AQP4: variants seen among roughly 807,000 people sequenced by gnomAD.
AQP4 encodes the protein aquaporin-4.
A neutral mutation model predicts 27.8 loss-of-function variants in AQP4; 18 were observed. The ratio of observed to expected loss-of-function variants is 0.65; its 90% CI spans 0.45 to 0.96. AQP4 has a LOEUF of 0.96. Ranked by LOEUF, AQP4 falls within the 40% of genes least tolerant of loss-of-function variation. AQP4 has a pLI of 0.00. For synonymous variants in AQP4, 141 were observed against 142.9 expected, an observed-to-expected ratio of 0.99 and a Z score of 0.10; for missense variants, 412 against 408.2, an observed-to-expected ratio of 1.01 and a Z score of -0.08.
intron 1 of AQP4, 36 bp downstream of exon 1, chr18:26,865,622 C>T (rs2055046274): frequency 1.2e-6 from 2 of 1,613,724 alleles, no homozygotes; most frequent in Non-Finnish European, 1.7e-6. Context: ...TCTTTTGGCC[C>T]TAAGCGTTGT....
At chr18:26,863,395 TC>T (rs1251970445) in intron 1 of AQP4, among the ~76,000 whole-genome samples, 2 of 152,030 alleles carry the variant, frequency 1.3e-5, no homozygotes, top group Non-Finnish European at 2.9e-5. Context: ...CAGCGGCCAT[TC>T]CCGGCCCGTG....
At chr18:26,865,137 A>G (rs989308092) in intron 1 of AQP4, 2 of 166,054 alleles carry the variant, frequency 1.2e-5, no homozygotes, top group Non-Finnish European at 2.6e-5. Context: ...GGCAGCATAT[A>G]CATATCTCTG....
rs1172402911 is a variant in AQP4 at position 26,855,709 on chromosome 18, G to A, written c.*502C>T. 1 of 162,560 alleles carries A rather than the reference G, an allele frequency of 6.2e-6. No individual in the cohort carries two copies. The highest frequency in any genetic ancestry group is 1.4e-5 in the Non-Finnish European group (1 of 73,474). 10.1% of individuals were successfully genotyped at this position (162,560 alleles called of 1,614,324 possible). ...TTGCTAATGCTCTTTTGCCAAGGTAGTCTATGCATAAGGGATTGCTCATAA... is the reference window on the plus strand; with the variant it reads ...TTGCTAATGCTCTTTTGCCAAGGTAATCTATGCATAAGGGATTGCTCATAA... On this transcript the variant is annotated 3_prime_UTR_variant, in exon 5 of 5. Coordinates refer to ENST00000383168, the MANE Select transcript of AQP4 (RefSeq NM_001650.7).
chr18:26,856,705 G>C (rs1170647840), intron 4 of AQP4, among the ~76,000 whole-genome samples: 2 of 152,034 alleles, frequency 1.3e-5, no homozygotes, highest in Non-Finnish European at 2.9e-5. Flanking sequence ...AAAAAGAACT[G>C]TTTCATCTCC....
chr18:26,860,236 C>T (rs967604829), intron 4 of AQP4, among the ~76,000 whole-genome samples: 7 of 152,088 alleles, frequency 4.6e-5, no homozygotes, highest in Admixed American at 1.3e-4. Context: ...ACTATTTATT[C>T]GACACCATCT....
rs1412389668 is a variant in AQP4, at chr18:26,856,101, C to T, written c.*110G>A. On this transcript the variant is annotated 3_prime_UTR_variant, in exon 5 of 5. Transcript: ENST00000383168. Reference sequence around the variant, plus strand: ...TTAGACTGAGTAATATGACATGAAACAACAAACCTGCACATTTCTAATTTA... The same window carrying T: ...TTAGACTGAGTAATATGACATGAAATAACAAACCTGCACATTTCTAATTTA... The T allele has an allele frequency of 7.2e-7, 1 of 1,389,956 alleles. No individual in the cohort carries two copies. The highest frequency in any genetic ancestry group is 1.0e-6 in the Non-Finnish European group (1 of 983,396). The allele number at this position is 1,389,956 out of a possible 1,614,324, so 86.1% of individuals were successfully genotyped here.
chr18:26,856,085 G>GT lies in AQP4; in HGVS notation c.*125dup. On this transcript the variant is annotated 3_prime_UTR_variant, in exon 5 of 5. Coordinates refer to ENST00000383168, the MANE Select transcript of AQP4 (RefSeq NM_001650.7). The stretch of plus-strand genomic sequence containing the variant: ...ATGAAATATTTATTGTTTAGACTGA[G>GT]TAATATGACATGAAACAACAAACCT... The GT allele has an allele frequency of 8.6e-7, 1 of 1,159,752 alleles. No individual in the cohort carries two copies. The highest frequency in any genetic ancestry group is 1.3e-6 in the Non-Finnish European group (1 of 777,494). 71.8% of individuals were successfully genotyped at this position (1,159,752 alleles called of 1,614,324 possible). A position where few individuals can be genotyped will look rare whatever the true frequency, so the allele number is the denominator to read the frequency against.
At chr18:26,865,731 A>AG (rs1568072401), upstream of AQP4, 1 of 1,613,510 alleles carries the variant, frequency 6.2e-7, no homozygotes, top group Non-Finnish European at 8.5e-7. Flanking sequence ...CCTGCCCCGC[A>AG]GCTCCCTGTG....
chr18:26,859,125 A>AT (rs1224705602), intron 4 of AQP4, among the ~76,000 whole-genome samples: 1 of 152,238 alleles, frequency 6.6e-6, no homozygotes, highest in African/African-American at 2.4e-5. Context: ...AGTAAAATAT[A>AT]TTTTTTCATC....
Position 26,856,108 on chromosome 18 carries a change from C to G in AQP4, c.*103G>C. On this transcript the variant is annotated 3_prime_UTR_variant, in exon 5 of 5. Transcript: ENST00000383168. The stretch of plus-strand genomic sequence containing the variant: ...GAGTAATATGACATGAAACAACAAA[C>G]CTGCACATTTCTAATTTATAACAAA... 4.9e-6 allele frequency: 7 copies of G among 1,424,096 alleles called. No individual in the cohort carries two copies. Among genetic ancestry groups the G allele is most frequent in the Non-Finnish European group, 6.9e-6 (7 of 1,012,626 alleles). The allele number at this position is 1,424,096 out of a possible 1,614,324, so 88.2% of individuals were successfully genotyped here. A position where few individuals can be genotyped will look rare whatever the true frequency, so the allele number is the denominator to read the frequency against.
Position 26,853,041 on chromosome 18 carries a change from G to A in AQP4, c.*3170C>T, listed in dbSNP as rs2054778569. The A allele has an allele frequency of 2.5e-6, 1 of 396,320 alleles. No homozygotes were observed. The highest frequency in any genetic ancestry group is 4.4e-5 in the Admixed American group (1 of 22,680). The allele number at this position is 396,320 out of a possible 1,614,324, so 24.6% of individuals were successfully genotyped here. On this transcript the variant is annotated 3_prime_UTR_variant, in exon 5 of 5. Coordinates refer to ENST00000383168, the MANE Select transcript of AQP4 (RefSeq NM_001650.7). ...AATACATGTGTTGTCTGGTTTCATG[G>A]TCTGAGAACAGTATTCTGTGCTCTT... is the stretch of plus-strand genomic sequence containing the variant.
chr18:26,853,062 C>A lies in AQP4; in HGVS notation c.*3149G>T. ...CATGGTCTGAGAACAGTATTCTGTG[C>A]TCTTTGGAATCAGATCTCTGATAAA... On this transcript the variant is annotated 3_prime_UTR_variant, in exon 5 of 5. Transcript: ENST00000383168. 1 of 395,870 alleles carries A rather than the reference C, an allele frequency of 2.5e-6. No homozygotes were observed. The highest frequency in any genetic ancestry group is 4.4e-6 in the Non-Finnish European group (1 of 224,726). 24.5% of individuals were successfully genotyped at this position (395,870 alleles called of 1,614,324 possible).
At chr18:26,860,311 G>T (rs1427167366) in intron 4 of AQP4, among the ~76,000 whole-genome samples, 1 of 152,082 alleles carries the variant, frequency 6.6e-6, no homozygotes, top group Non-Finnish European at 1.5e-5. Flanking sequence ...ACAAAAAAAG[G>T]GTAAATATCT....
Position 26,862,592 on chromosome 18 carries a change from A to G in AQP4, c.37T>C (p.Cys13Arg), listed in dbSNP as rs749543943. ...TTCTCTCTGGTACACAAAGGTCCAC[A>G]CTTACTGAAAAGAGAAACAAATCAG... ...DRPTARRWGK[C>R]GPLCTRENIM... The change falls in exon 2 of 5, where the codon TGT becomes CGT. Residue 13 changes from cysteine to arginine, a missense_variant. Coordinates refer to ENST00000383168, the MANE Select transcript of AQP4 (RefSeq NM_001650.7). 19 of 1,613,830 alleles carry G rather than the reference A, an allele frequency of 1.2e-5. No individual in the cohort carries two copies. Among genetic ancestry groups the G allele is most frequent in the Non-Finnish European group, 1.6e-5 (19 of 1,180,030 alleles).
rs1313646410 is a variant in AQP4 at position 26,853,943 on chromosome 18, C to T, written c.*2268G>A. 2 of 152,046 alleles carry T rather than the reference C, an allele frequency of 1.3e-5. No individual in the cohort carries two copies. The highest frequency in any genetic ancestry group is 2.9e-5 in the Non-Finnish European group (2 of 67,996). The allele number at this position is 152,046 out of a possible 1,614,324, so 9.4% of individuals were successfully genotyped here. A position where few individuals can be genotyped will look rare whatever the true frequency, so the allele number is the denominator to read the frequency against. ...TTAGTAGTCCTTGAAATCATACTTC[C>T]TATTAAATATTGAGCAAAATAAAGA... On this transcript the variant is annotated 3_prime_UTR_variant, in exon 5 of 5. Coordinates refer to ENST00000383168, the MANE Select transcript of AQP4 (RefSeq NM_001650.7).
At position 26,853,997 on chromosome 18, in the gene AQP4, T is replaced by A. The variant is rs922778538; in HGVS notation, c.*2214A>T. 2 of 152,224 alleles carry A rather than the reference T, an allele frequency of 1.3e-5. No homozygotes were observed. Among genetic ancestry groups the A allele is most frequent in the African/African-American group, 4.8e-5 (2 of 41,460 alleles). 9.4% of individuals were successfully genotyped at this position (152,224 alleles called of 1,614,324 possible). On this transcript the variant is annotated 3_prime_UTR_variant, in exon 5 of 5. Coordinates refer to ENST00000383168, the MANE Select transcript of AQP4 (RefSeq NM_001650.7). ...AAAGAAAATTATTTATATTCTTAAA[T>A]CTCAAATGAGATTTATATATTTTTA... is the stretch of plus-strand genomic sequence containing the variant.
chr18:26,865,168 A>T (rs1386167982), intron 1 of AQP4: 2 of 221,306 alleles, frequency 9.0e-6, no homozygotes, highest in African/African-American at 4.5e-5. Context: ...GGCTCACCCT[A>T]GCGTCACCCA....
chr18:26,863,990 CTT>C (rs953369619), intron 1 of AQP4, among the ~76,000 whole-genome samples: 17 of 81,762 alleles, frequency 2.1e-4, no homozygotes, highest in South Asian at 2.0e-3. Context: ...TAGGATTCCC[CTT>C]TTGGGGGGGG....
At position 26,857,561 on chromosome 18, in the gene AQP4, C is replaced by T. The variant is rs193055345; in HGVS notation, c.694-1072G>A. ...CAGGATGGTCTCAATCTCCTGACCT[C>T]GTGATCCACCTGCCTCAGCCTCCCA... On this transcript the variant is annotated intron_variant, in intron 4 of 4. Transcript: ENST00000383168. 5.4e-3 allele frequency among the ~76,000 whole-genome samples: 826 copies of T among 152,164 alleles called. 26 individuals are homozygous for T. Among genetic ancestry groups the T allele is most frequent in the Admixed American group, 0.043 (653 of 15,282 alleles).
Sources: gnomAD v4.1 joint callset for allele counts (sites outside exome capture counted in the v4.1 genomes callset) on GRCh38, gnomAD v4.1.1 for gene constraint, MANE v1.5 for transcripts, NCBI Gene and HGNC (gene_info 2026-07-23, HGNC 2026-07-21) for gene names.